Variants in PLXNA4 observed in about 807,000 individuals in gnomAD.
The protein encoded by PLXNA4 is plexin-A4.
PLXNA4 carries 44 observed loss-of-function variants against 191.8 expected under a neutral mutation model. That is an observed-to-expected ratio of 0.23 (90% CI 0.18 to 0.29). PLXNA4 has a LOEUF of 0.29. PLXNA4 is among the 10% of genes least tolerant of loss of function. PLXNA4 has a pLI of 1.00. For synonymous variants in PLXNA4, 1,082 were observed against 1,009.5 expected, an observed-to-expected ratio of 1.07 and a Z score of -1.36; for missense variants, 1,800 against 2,488.8, an observed-to-expected ratio of 0.72 and a Z score of 5.89.
chr7:132,228,322 C>CACCCCA, intron 6 of PLXNA4, 24 bp downstream of exon 6: 1 of 1,613,686 alleles, frequency 6.2e-7, no homozygotes, highest in Non-Finnish European at 8.5e-7. Context: ...CCCTGGACCC[C>CACCCCA]ACCCCAACCC....
chr7:132,396,269 T>A (rs1793752295), intron 3 of PLXNA4, among the ~76,000 whole-genome samples: 1 of 152,154 alleles, frequency 6.6e-6, no homozygotes, highest in Non-Finnish European at 1.5e-5. Flanking sequence ...AGCTGCAGGT[T>A]CCCTAGGTAT....
intron 3 of PLXNA4, among the ~76,000 whole-genome samples, chr7:132,481,371 C>G (rs1797328107): frequency 1.3e-5 from 2 of 151,960 alleles, no homozygotes; most frequent in Non-Finnish European, 1.5e-5. Flanking sequence ...ACCCTACAGC[C>G]CAGGAGCCAG....
chr7:132,345,503 T>C (rs942736845), intron 3 of PLXNA4, among the ~76,000 whole-genome samples: 3 of 152,220 alleles, frequency 2.0e-5, no homozygotes, highest in African/African-American at 4.8e-5. Context: ...TAGCTTGCTA[T>C]GTTATTGTCA....
In PLXNA4 at chr7:132,595,518, G is replaced by A. The variant is rs1802692650; in HGVS notation, c.-87+50410C>T. Reference sequence around the variant, plus strand: ...GTGGATCACCAATGAGTGCTCCAGAGGGAAGACCTGAATAATTACCTTGTT... The same window carrying A: ...GTGGATCACCAATGAGTGCTCCAGAAGGAAGACCTGAATAATTACCTTGTT... On this transcript the variant is annotated intron_variant, in intron 2 of 4. Transcript: ENST00000378539. Among the ~76,000 whole-genome samples, 3 of 152,150 alleles carry A rather than the reference G, an allele frequency of 2.0e-5. 1 individual carries two copies. Among genetic ancestry groups the A allele is most frequent in the African/African-American group, 7.2e-5 (3 of 41,442 alleles).
chr7:132,290,733 G>A (rs78627155), intron 4 of PLXNA4, among the ~76,000 whole-genome samples: 6 of 151,956 alleles, frequency 3.9e-5, no homozygotes, highest in South Asian at 2.1e-4. Context: ...AGAGAGAAAC[G>A]TAACACGGCT....
At chr7:132,227,641 G>A (rs572938192) in intron 6 of PLXNA4, 37 bp from the exon 7 acceptor site, 2 of 1,613,610 alleles carry the variant, frequency 1.2e-6, no homozygotes, top group African/African-American at 1.3e-5. Context: ...AAGGAGGAGG[G>A]TGAAATGGGA....
chr7:132,172,939 G>T (rs17166214), intron 21 of PLXNA4, among the ~76,000 whole-genome samples: 12,879 of 152,076 alleles, frequency 0.085, 1,113 homozygotes, highest in African/African-American at 0.22. Context: ...ATAATTTCCC[G>T]TCCTACAACC....
intron 1 of PLXNA4, among the ~76,000 whole-genome samples, chr7:132,572,565 A>T (rs1357493783): frequency 2.0e-5 from 3 of 152,152 alleles, no homozygotes; most frequent in Non-Finnish European, 1.5e-5. Context: ...CTCCTTCAGG[A>T]ACAAGGCCTG....
intron 4 of PLXNA4, among the ~76,000 whole-genome samples, chr7:132,265,483 G>A (rs191320461): frequency 6.6e-6 from 1 of 152,274 alleles, no homozygotes; most frequent in African/African-American, 2.4e-5. Context: ...CTAACAATTA[G>A]GAATTGGGTA....
At chr7:132,441,407 T>C (rs987923491) in intron 3 of PLXNA4, among the ~76,000 whole-genome samples, 8 of 152,368 alleles carry the variant, frequency 5.3e-5, no homozygotes, top group African/African-American at 1.9e-4. Context: ...GGTGGCAGTG[T>C]CCAGCACAGT....
At chr7:132,453,402 C>T (rs1433307590) in intron 3 of PLXNA4, among the ~76,000 whole-genome samples, 1 of 152,048 alleles carries the variant, frequency 6.6e-6, no homozygotes, top group Non-Finnish European at 1.5e-5. Context: ...TTTTTGGATC[C>T]CACCCTAGCT....
chr7:132,415,142 A>C (rs561301639), intron 3 of PLXNA4, among the ~76,000 whole-genome samples: 1 of 152,298 alleles, frequency 6.6e-6, no homozygotes, highest in South Asian at 2.1e-4. Context: ...GGCAGGATTG[A>C]GAGATGTCCC....
intron 3 of PLXNA4, among the ~76,000 whole-genome samples, chr7:132,485,868 T>C (rs1159864484): frequency 3.3e-5 from 5 of 152,174 alleles, no homozygotes; most frequent in Non-Finnish European, 7.4e-5. Context: ...ATGTGACGTG[T>C]GCACTAAAGG....
chr7:132,560,467 G>A (rs956372012), intron 1 of PLXNA4, among the ~76,000 whole-genome samples: 2 of 152,126 alleles, frequency 1.3e-5, no homozygotes, highest in East Asian at 1.9e-4. Flanking sequence ...GAATCTCTAG[G>A]TGGATCTTCT....
At chr7:132,285,283 C>T (rs1800642537) in intron 4 of PLXNA4, among the ~76,000 whole-genome samples, 2 of 152,228 alleles carry the variant, frequency 1.3e-5, no homozygotes, top group Non-Finnish European at 2.9e-5. Flanking sequence ...AATCCGGAAG[C>T]AGAGCTGTGA....
intron 2 of PLXNA4, among the ~76,000 whole-genome samples, chr7:132,618,646 G>A (rs1384085535): frequency 6.6e-6 from 1 of 152,140 alleles, no homozygotes; most frequent in South Asian, 2.1e-4. Flanking sequence ...TTGGGCTTTT[G>A]TAATGCAAGA....
chr7:132,313,912 G>T (rs750340195), intron 3 of PLXNA4, among the ~76,000 whole-genome samples: 1 of 152,078 alleles, frequency 6.6e-6, no homozygotes, highest in Non-Finnish European at 1.5e-5. Context: ...GAAAAGTGCC[G>T]GGGAAAGGGA....
At chr7:132,546,942 G>A (rs1197090074) in intron 1 of PLXNA4, among the ~76,000 whole-genome samples, 1 of 152,066 alleles carries the variant, frequency 6.6e-6, no homozygotes, top group African/African-American at 2.4e-5. Context: ...TGCCAAACTG[G>A]CCCATCTGGT....
chr7:132,462,560 A>C (rs1796546562), intron 3 of PLXNA4, among the ~76,000 whole-genome samples: 1 of 152,102 alleles, frequency 6.6e-6, no homozygotes, highest in Admixed American at 6.6e-5. Context: ...TCATAGAGAA[A>C]AAGGCATAGG....
Sources: gnomAD v4.1 joint callset for allele counts (sites outside exome capture counted in the v4.1 genomes callset) on GRCh38, gnomAD v4.1.1 for gene constraint, MANE v1.5 for transcripts, NCBI Gene and HGNC (gene_info 2026-07-23, HGNC 2026-07-21) for gene names.